The following NKAIN2 variants were observed in gnomAD, a reference collection of about 807,000 sequenced individuals.
NKAIN2 encodes sodium/potassium transporting ATPase interacting 2.
A neutral mutation model predicts 32.6 loss-of-function variants in NKAIN2; 14 were observed. That is an observed-to-expected ratio of 0.43 (90% CI 0.28 to 0.67). NKAIN2 has a LOEUF of 0.67. Among genes scored for constraint, NKAIN2 ranks in the 30% least tolerant of loss-of-function variants. The probability of loss-of-function intolerance (pLI) is 0.17; values close to 1 mark genes in which losing one functional copy is unlikely to be tolerated. For synonymous variants in NKAIN2, 80 were observed against 87.2 expected, an observed-to-expected ratio of 0.92 and a Z score of 0.46; for missense variants, 198 against 258.3, an observed-to-expected ratio of 0.77 and a Z score of 1.60.
intron 3 of NKAIN2, among the ~76,000 whole-genome samples, chr6:124,408,216 C>G (rs1583202431): frequency 6.6e-6 from 1 of 152,068 alleles, no homozygotes; most frequent in African/African-American, 2.4e-5. Flanking sequence ...TCCCATTTGT[C>G]AATTTTGGCT....
At chr6:123,996,503 A>C (rs1324167924) in intron 1 of NKAIN2, among the ~76,000 whole-genome samples, 1 of 152,146 alleles carries the variant, frequency 6.6e-6, no homozygotes, top group East Asian at 1.9e-4. Flanking sequence ...AACTACAAAA[A>C]GGAGCTCATG....
chr6:124,106,758 T>C (rs569184193), intron 1 of NKAIN2, among the ~76,000 whole-genome samples: 5 of 152,334 alleles, frequency 3.3e-5, no homozygotes, highest in Non-Finnish European at 7.3e-5. Flanking sequence ...CTCTATCCAT[T>C]CACTTACACA....
intron 1 of NKAIN2, among the ~76,000 whole-genome samples, chr6:123,887,988 C>CGAGTAG (rs1773808522): frequency 1.3e-5 from 2 of 152,010 alleles, no homozygotes; most frequent in Admixed American, 1.3e-4. Context: ...GAGAATACTA[C>CGAGTAG]TCGTATTGGT....
intron 2 of NKAIN2, among the ~76,000 whole-genome samples, chr6:124,342,246 A>G (rs1027877769): frequency 6.6e-6 from 1 of 151,540 alleles, no homozygotes; most frequent in Non-Finnish European, 1.5e-5. Flanking sequence ...CTAAAAAAAA[A>G]AAATACAAAA....
chr6:124,435,357 T>A (rs1775395731), intron 3 of NKAIN2, among the ~76,000 whole-genome samples: 1 of 152,118 alleles, frequency 6.6e-6, no homozygotes, highest in Non-Finnish European at 1.5e-5. Flanking sequence ...ACTCATAAGT[T>A]TCCATAAAAA....
At chr6:123,841,210 T>C (rs1227932873) in intron 1 of NKAIN2, among the ~76,000 whole-genome samples, 5 of 152,210 alleles carry the variant, frequency 3.3e-5, no homozygotes, top group Non-Finnish European at 5.9e-5. Flanking sequence ...TTTTGCACCG[T>C]ATCTTTGGGA....
intron 1 of NKAIN2, among the ~76,000 whole-genome samples, chr6:124,004,017 A>G (rs1375706647): frequency 6.6e-6 from 1 of 152,248 alleles, no homozygotes; most frequent in South Asian, 2.1e-4. Flanking sequence ...TTTTGTGTGC[A>G]TGTTCCATAA....
At chr6:124,467,468 A>AT (rs368717079) in intron 3 of NKAIN2, among the ~76,000 whole-genome samples, 332 of 152,194 alleles carry the variant, frequency 2.2e-3, no homozygotes, top group African/African-American at 7.6e-3. Flanking sequence ...TACATGCTTC[A>AT]TTTTCCATGT....
chr6:124,303,599 T>A (rs1796387595), intron 2 of NKAIN2, among the ~76,000 whole-genome samples: 2 of 152,150 alleles, frequency 1.3e-5, no homozygotes, highest in Non-Finnish European at 2.9e-5. Context: ...AGTAAATGAA[T>A]AGAAGTAAGG....
At chr6:123,937,672 C>T (rs1776583250) in intron 1 of NKAIN2, among the ~76,000 whole-genome samples, 1 of 152,032 alleles carries the variant, frequency 6.6e-6, no homozygotes, top group Admixed American at 6.6e-5. Context: ...GACTACATAG[C>T]TAGGGACGGC....
At chr6:124,159,449 A>T (rs1170792652) in intron 1 of NKAIN2, among the ~76,000 whole-genome samples, 1 of 152,142 alleles carries the variant, frequency 6.6e-6, no homozygotes, top group African/African-American at 2.4e-5. Flanking sequence ...TGCCCTCAGA[A>T]TGTAACATGT....
chr6:124,007,836 T>G (rs1406511466), intron 1 of NKAIN2, among the ~76,000 whole-genome samples: 2 of 152,222 alleles, frequency 1.3e-5, no homozygotes, highest in African/African-American at 2.4e-5. Flanking sequence ...TCCTAGGATT[T>G]ATTCCTTTTC....
At chr6:124,308,709 T>A (rs190754526) in intron 2 of NKAIN2, among the ~76,000 whole-genome samples, 29 of 152,318 alleles carry the variant, frequency 1.9e-4, no homozygotes, top group African/African-American at 7.0e-4. Context: ...TTTATGGTGC[T>A]AGTTGGTACC....
chr6:124,332,854 A>G (rs998137129), intron 2 of NKAIN2, among the ~76,000 whole-genome samples: 7 of 152,232 alleles, frequency 4.6e-5, no homozygotes, highest in Non-Finnish European at 1.0e-4. Context: ...AAAAATAACA[A>G]TAAAATCCCT....
At chr6:124,065,213 TACACACAC>T (rs144681461) in intron 1 of NKAIN2, among the ~76,000 whole-genome samples, 1 of 147,992 alleles carries the variant, frequency 6.8e-6, no homozygotes, top group Middle Eastern at 3.5e-3. Context: ...ATCAGAAAAT[TACACACAC>T]ACACACACAC....
At chr6:124,369,880 A>ATTTTTTTTTTTTTTTTTTTTT (rs61588781) in intron 3 of NKAIN2, among the ~76,000 whole-genome samples, 5 of 82,372 alleles carry the variant, frequency 6.1e-5, no homozygotes, top group African/African-American at 2.3e-4. Flanking sequence ...CAGAATGTCA[A>ATTTTTTTTTTTTTTTTTTTTT]TTTTTTTTTT....
At chr6:123,954,950 G>C (rs2114595072) in intron 1 of NKAIN2, among the ~76,000 whole-genome samples, 1 of 152,170 alleles carries the variant, frequency 6.6e-6, no homozygotes, top group East Asian at 1.9e-4. Context: ...CCTGATCCAG[G>C]ACATGTAATT....
At chr6:124,050,478 A>G (rs1050489104) in intron 1 of NKAIN2, among the ~76,000 whole-genome samples, 2 of 152,042 alleles carry the variant, frequency 1.3e-5, no homozygotes, top group Non-Finnish European at 2.9e-5. Context: ...TATATTCACT[A>G]CATTACTGAG....
chr6:124,704,678 C>A (rs974037488), intron 4 of NKAIN2, among the ~76,000 whole-genome samples: 1 of 151,718 alleles, frequency 6.6e-6, no homozygotes, highest in Non-Finnish European at 1.5e-5. Context: ...ATATGATACA[C>A]CCTCCTGGTT....
Sources: allele counts gnomAD v4.1 joint callset (sites outside exome capture counted in the v4.1 genomes callset), GRCh38; gene constraint gnomAD v4.1.1; transcripts MANE v1.5; gene names NCBI Gene and HGNC (gene_info 2026-07-23, HGNC 2026-07-21).